The following LINGO2 variants were observed in gnomAD, a reference collection of about 807,000 sequenced individuals.
The protein encoded by LINGO2 is leucine-rich repeat and immunoglobulin-like domain-containing nogo receptor-interacting protein 2.
LINGO2 carries 14 observed loss-of-function variants against 30.6 expected under a neutral mutation model. That is an observed-to-expected ratio of 0.46 (90% CI 0.30 to 0.72). The LOEUF is 0.72. LINGO2 is among the 30% of genes least tolerant of loss of function. The pLI, the probability that LINGO2 is intolerant of heterozygous loss-of-function variation, is 0.07. For missense variants in LINGO2, 729 were observed against 751.7 expected (o/e 0.97, Z 0.35); for synonymous variants, 317 against 288.5 (o/e 1.10, Z -1.00).
chr9:28,429,315 AG>A (rs1251166549), intron 2 of LINGO2, among the ~76,000 whole-genome samples: 1 of 152,198 alleles, frequency 6.6e-6, no homozygotes, highest in Non-Finnish European at 1.5e-5. Flanking sequence ...TTAAAATTTT[AG>A]ATTAAAAAAA....
At chr9:28,835,987 T>C in the LINGO2 span, among the ~76,000 whole-genome samples, 3 of 152,174 alleles carry the variant, frequency 2.0e-5, no homozygotes, top group Non-Finnish European at 2.9e-5. Context: ...AGAACCTGGA[T>C]ATATCACATA....
chr9:28,813,801 C>A, the LINGO2 span, among the ~76,000 whole-genome samples: 2 of 152,080 alleles, frequency 1.3e-5, no homozygotes, highest in African/African-American at 4.8e-5. Context: ...TGAGTTGAAA[C>A]ATAAAAAATA....
chr9:28,353,797 T>C (rs1820029086), intron 3 of LINGO2, among the ~76,000 whole-genome samples: 1 of 152,074 alleles, frequency 6.6e-6, no homozygotes, highest in African/African-American at 2.4e-5. Context: ...ATGTGGCACA[T>C]ATACACCATG....
At chr9:28,991,715 A>G in the LINGO2 span, among the ~76,000 whole-genome samples, 2 of 151,236 alleles carry the variant, frequency 1.3e-5, no homozygotes, top group South Asian at 2.1e-4. Flanking sequence ...AGTATTCAAC[A>G]TTCTTAAAGA....
chr9:28,760,730 C>T, the LINGO2 span, among the ~76,000 whole-genome samples: 68,017 of 151,498 alleles, frequency 0.45, 18,465 homozygotes, highest in Non-Finnish European at 0.61. Flanking sequence ...TTAGCTCCCA[C>T]TTTATCAGTG....
At chr9:28,594,963 T>C (rs1825104864) in intron 1 of LINGO2, among the ~76,000 whole-genome samples, 1 of 152,120 alleles carries the variant, frequency 6.6e-6, no homozygotes, top group Non-Finnish European at 1.5e-5. Context: ...AAACGTAAGA[T>C]TTCATTTGAA....
At chr9:28,515,046 A>G (rs1418953522) in intron 1 of LINGO2, among the ~76,000 whole-genome samples, 1 of 152,134 alleles carries the variant, frequency 6.6e-6, no homozygotes. Context: ...TCCTTTCAAA[A>G]TATCACTGTT....
chr9:28,879,048 G>C, the LINGO2 span, among the ~76,000 whole-genome samples: 1 of 152,160 alleles, frequency 6.6e-6, no homozygotes, highest in Non-Finnish European at 1.5e-5. Flanking sequence ...AAGTCAAATT[G>C]TCCCTGTTTG....
At chr9:28,830,992 T>A in the LINGO2 span, among the ~76,000 whole-genome samples, 1 of 152,216 alleles carries the variant, frequency 6.6e-6, no homozygotes, top group African/African-American at 2.4e-5. Context: ...GGGCCTAGAC[T>A]ACAATGGAGC....
intron 4 of LINGO2, among the ~76,000 whole-genome samples, chr9:28,248,458 T>C (rs1822080338): frequency 6.6e-6 from 1 of 152,092 alleles, no homozygotes; most frequent in South Asian, 2.1e-4. Flanking sequence ...TCACCAGTGG[T>C]TGGAATGGGT....
At chr9:28,784,735 T>C in the LINGO2 span, among the ~76,000 whole-genome samples, 1 of 152,058 alleles carries the variant, frequency 6.6e-6, no homozygotes, top group Non-Finnish European at 1.5e-5. Flanking sequence ...GCGTGGATCA[T>C]GAAGTCAGGA....
chr9:28,462,905 G>A (rs551361943), intron 2 of LINGO2, among the ~76,000 whole-genome samples: 2 of 152,136 alleles, frequency 1.3e-5, no homozygotes, highest in South Asian at 2.1e-4. Flanking sequence ...AGCCAACTTG[G>A]TGACACCTTA....
At chr9:28,813,583 A>T in the LINGO2 span, among the ~76,000 whole-genome samples, 1 of 152,156 alleles carries the variant, frequency 6.6e-6, no homozygotes, top group African/African-American at 2.4e-5. Flanking sequence ...ACGAACATCT[A>T]CTATGTTGGC....
the LINGO2 span, among the ~76,000 whole-genome samples, chr9:29,081,101 A>C: frequency 1.3e-5 from 2 of 152,108 alleles, no homozygotes; most frequent in African/African-American, 2.4e-5. Context: ...CCTGATACCA[A>C]AGCCTGGCAG....
At position 28,124,653 on chromosome 9, in the gene LINGO2, A is replaced by C. The variant is rs1245344921; in HGVS notation, c.-86-112248T>G. ...TCCCAGTGAAACATTAAAATATTGCACTCATCAGAAATTCCCCATTGGCTT... is the reference window on the plus strand; with the variant it reads ...TCCCAGTGAAACATTAAAATATTGCCCTCATCAGAAATTCCCCATTGGCTT... On this transcript the variant is annotated intron_variant, in intron 4 of 5. Coordinates refer to ENST00000379992, the Ensembl canonical transcript of LINGO2. 4.6e-5 allele frequency among the ~76,000 whole-genome samples: 7 copies of C among 152,350 alleles called. No individual in the cohort carries two copies. The East Asian group carries it at 1.4e-3, about 29-fold the overall frequency.
intron 4 of LINGO2, among the ~76,000 whole-genome samples, chr9:28,285,664 C>T (rs1287946714): frequency 6.6e-6 from 1 of 152,068 alleles, no homozygotes; most frequent in Non-Finnish European, 1.5e-5. Flanking sequence ...CTCGGCCTCC[C>T]AAAGTGCTGG....
chr9:28,525,979 C>T (rs1009383973), intron 1 of LINGO2, among the ~76,000 whole-genome samples: 11 of 144,754 alleles, frequency 7.6e-5, no homozygotes, highest in Non-Finnish European at 1.5e-5. Context: ...TGGCATGAAC[C>T]CGGGAGGCAG....
chr9:28,432,859 T>C (rs1215347563), intron 2 of LINGO2, among the ~76,000 whole-genome samples: 1 of 152,120 alleles, frequency 6.6e-6, no homozygotes, highest in Non-Finnish European at 1.5e-5. Context: ...ACATTTTCAA[T>C]TTATTATCAG....
chr9:28,482,748 G>T (rs1351580540), intron 1 of LINGO2, among the ~76,000 whole-genome samples: 1 of 152,018 alleles, frequency 6.6e-6, no homozygotes, highest in Non-Finnish European at 1.5e-5. Flanking sequence ...ATGGGGAAAG[G>T]GTTCCCTATT....
Sources: gnomAD v4.1 joint callset for allele counts (sites outside exome capture counted in the v4.1 genomes callset) on GRCh38, gnomAD v4.1.1 for gene constraint, MANE v1.5 for transcripts, NCBI Gene and HGNC (gene_info 2026-07-23, HGNC 2026-07-21) for gene names.